The following GGT1 variants were observed in gnomAD, a reference collection of about 807,000 sequenced individuals.
The protein encoded by GGT1 is glutathione hydrolase 1 proenzyme.
A neutral mutation model predicts 56.0 loss-of-function variants in GGT1; 21 were observed. That is an observed-to-expected ratio of 0.38 (90% CI 0.27 to 0.54). GGT1 has a LOEUF of 0.54. Among genes scored for constraint, GGT1 ranks in the 20% least tolerant of loss-of-function variants. The probability of loss-of-function intolerance (pLI) is 0.82; values close to 1 mark genes in which losing one functional copy is unlikely to be tolerated. For synonymous variants in GGT1, 238 were observed against 342.6 expected, an observed-to-expected ratio of 0.69 and a Z score of 3.37; for missense variants, 466 against 787.0, an observed-to-expected ratio of 0.59 and a Z score of 4.88.
upstream of GGT1, among the ~76,000 whole-genome samples, chr22:24,598,928 TA>T (rs1156866405): frequency 6.6e-6 from 1 of 151,842 alleles, no homozygotes; most frequent in Non-Finnish European, 1.5e-5. Flanking sequence ...GGGCCTTTTT[TA>T]AAAAAATTAA....
chr22:24,586,690 C>T, the GGT1 span, among the ~76,000 whole-genome samples: 1 of 152,364 alleles, frequency 6.6e-6, no homozygotes, highest in East Asian at 1.9e-4. Context: ...TGCCACCACG[C>T]CTGGCTAATT....
rs537937786 is a variant in GGT1, at chr22:24,614,726, G to T, written c.165-50G>T. 3 of 1,594,630 alleles carry T rather than the reference G, an allele frequency of 1.9e-6. No individual in the cohort carries two copies. The African/African-American group carries it at 4.0e-5, about 21-fold the overall frequency. Reference sequence around the variant, plus strand: ...GTGGGCAGCAGGGTGTGTATGCGGGGCCAGGGTGGAAGCCTGCAGGTTCTC... The same window carrying T: ...GTGGGCAGCAGGGTGTGTATGCGGGTCCAGGGTGGAAGCCTGCAGGTTCTC... On this transcript the variant is annotated intron_variant, in intron 5 of 15. Transcript: ENST00000400382.
the GGT1 span, chr22:24,583,894 G>A: frequency 7.2e-6 from 3 of 415,496 alleles, no homozygotes; most frequent in African/African-American, 6.1e-5. Flanking sequence ...GCAAGGGACT[G>A]GAGAGCTTGG....
rs534055616 is a variant in GGT1, at chr22:24,595,294, C to A, written c.-324+408C>A. Among the ~76,000 whole-genome samples the A allele has an allele frequency of 3.3e-5, 5 of 152,266 alleles. No homozygotes were observed. In the South Asian group the frequency reaches 1.0e-3, roughly 32 times the overall value. On this transcript the variant is annotated intron_variant, in intron 1 of 6. Transcript: ENST00000411974. Reference sequence around the variant, plus strand: ...TTGTGGGGTGCCTAGGGCGAGTGGGCTTTTGGAGACAATTTCTGGCCTAAC... The same window carrying A: ...TTGTGGGGTGCCTAGGGCGAGTGGGATTTTGGAGACAATTTCTGGCCTAAC...
At position 24,614,803 on chromosome 22, in the gene GGT1, G is replaced by A. The variant is rs4049883; in HGVS notation, c.192G>A (p.Ala64=). Residue 64 remains alanine (A), a synonymous_variant, in exon 6 of 16, where the codon GCG becomes GCA. Transcript: ENST00000400382. ...ATGCACTGCGGGACGGTGGCTCTGC[G>A]GTGGATGCAGCCATTGCAGCCCTGT... The part of the protein sequence containing the change: ...GRDALRDGGS[A]VDAAIAALLC... 93 of 1,613,492 alleles carry A rather than the reference G, an allele frequency of 5.8e-5. No individual in the cohort carries two copies. Among genetic ancestry groups the A allele is most frequent in the African/African-American group, 2.4e-4 (18 of 75,012 alleles).
At chr22:24,600,697 T>C (rs1381950869), upstream of GGT1, among the ~76,000 whole-genome samples, 2 of 152,206 alleles carry the variant, frequency 1.3e-5, no homozygotes, top group African/African-American at 4.8e-5. Context: ...AGCACTTCCA[T>C]TGAGCTGAAG....
chr22:24,621,975 G>A (rs201108805), intron 9 of GGT1, among the ~76,000 whole-genome samples: 2 of 151,568 alleles, frequency 1.3e-5, no homozygotes, highest in African/African-American at 4.9e-5. Context: ...GCTAGAACCT[G>A]GGGGGCTGAG....
In GGT1 at chr22:24,620,365, C is replaced by T. The variant is rs1199828146; in HGVS notation, c.420C>T (p.Gly140=). 2 of 1,611,714 alleles carry T rather than the reference C, an allele frequency of 1.2e-6. No individual in the cohort carries two copies. The highest frequency in any genetic ancestry group is 1.7e-6 in the Non-Finnish European group (2 of 1,179,756). The change falls in exon 8 of 16, where the codon GGC becomes GGT. Residue 140 remains glycine, a synonymous_variant. Transcript: ENST00000400382. The surrounding 1 kb of genome is among the most constrained non-coding windows in gnomAD (Gnocchi z 5.6). ...LSVAVPGEIR[G]YELAHQRHGR... Reference sequence around the variant, plus strand: ...TGGCGGTGCCTGGGGAGATCCGAGGCTATGAGCTGGCACACCAGCGGCATG... The same window carrying T: ...TGGCGGTGCCTGGGGAGATCCGAGGTTATGAGCTGGCACACCAGCGGCATG...
intron 5 of GGT1, among the ~76,000 whole-genome samples, chr22:24,612,802 C>T (rs1042347102): frequency 6.6e-6 from 1 of 152,218 alleles, no homozygotes; most frequent in African/African-American, 2.4e-5. Flanking sequence ...GCTGGGATTA[C>T]AGGCATGAGC....
In GGT1 at chr22:24,628,138, T is replaced by A. The variant is rs769064033; in HGVS notation, c.1394T>A (p.Val465Asp). 8 of 1,611,906 alleles carry A rather than the reference T, an allele frequency of 5.0e-6. No individual in the cohort carries two copies. The highest frequency in any genetic ancestry group is 6.8e-6 in the Non-Finnish European group (8 of 1,179,840). Residue 465 changes from valine (V) to aspartate (D), a missense_variant, in exon 14 of 16, where the codon GTC becomes GAC. Transcript: ENST00000400382. This position sits in a 1 kb window ranked among gnomAD's most constrained non-coding sequence, Gnocchi z 5.7. Reference sequence around the variant, plus strand: ...ATCATGGTGGGCCAGGACGGCCAGGTCCGGATGGTGGTGGGAGCTGCTGGG... The same window carrying A: ...ATCATGGTGGGCCAGGACGGCCAGGACCGGATGGTGGTGGGAGCTGCTGGG... ...PTIMVGQDGQ[V>D]RMVVGAAGGT...
At chr22:24,611,030 T>C (rs2046623438) in intron 4 of GGT1, 45 bp from the exon 5 acceptor site, 1 of 1,559,932 alleles carries the variant, frequency 6.4e-7, no homozygotes. Flanking sequence ...GGCCAGGGAA[T>C]GTCTGAGGCT....
intron 11 of GGT1, among the ~76,000 whole-genome samples, chr22:24,624,943 C>T (rs2047656638): frequency 6.6e-6 from 1 of 152,018 alleles, no homozygotes; most frequent in Non-Finnish European, 1.5e-5. Flanking sequence ...AGCAGCATCT[C>T]ACACAGCTCA....
At chr22:24,589,722 C>G in the GGT1 span, 1 of 1,363,836 alleles carries the variant, frequency 7.3e-7, no homozygotes, top group South Asian at 1.5e-5. Context: ...ACACAGCAAG[C>G]CGCAGAAGGA....
chr22:24,612,823 G>A (rs933471805), intron 5 of GGT1, among the ~76,000 whole-genome samples: 3 of 151,702 alleles, frequency 2.0e-5, no homozygotes, highest in Non-Finnish European at 4.4e-5. Flanking sequence ...CACCATGCCC[G>A]GCCGGGCTTA....
At chr22:24,585,991 G>T in the GGT1 span, 1 of 1,610,730 alleles carries the variant, frequency 6.2e-7, no homozygotes, top group Admixed American at 1.7e-5. Flanking sequence ...CAGGCTCAAG[G>T]TCCAGGCCCT....
upstream of GGT1, chr22:24,592,777 A>G: frequency 7.8e-7 from 1 of 1,275,722 alleles, no homozygotes. Flanking sequence ...ACAGGCCCAC[A>G]ACCCATAGCC....
Position 24,611,129 on chromosome 22 carries a change from G to C in GGT1, c.48G>C (p.Val16=). The stretch of plus-strand genomic sequence containing the variant: ...TGGGCCTGCTGGCCGTGGTCCTGGT[G>C]CTGGTCATTGTCGGCCTCTGTCTCT... ...VVLGLLAVVL[V]LVIVGLCLWL... The change falls in exon 5 of 16, where the codon GTG becomes GTC. Residue 16 remains valine, a synonymous_variant. Coordinates refer to ENST00000400382, the MANE Select transcript of GGT1 (RefSeq NM_001288833.2). 1 of 1,601,954 alleles carries C rather than the reference G, an allele frequency of 6.2e-7. No individual in the cohort carries two copies. The highest frequency in any genetic ancestry group is 8.5e-7 in the Non-Finnish European group (1 of 1,174,172).
At chr22:24,598,059 T>A (rs2045723884) in intron 1 of GGT1, 1 of 152,238 alleles carries the variant, frequency 6.6e-6, no homozygotes, top group Non-Finnish European at 1.5e-5. Flanking sequence ...TGTTTATCGG[T>A]TTATTTCAAA....
At chr22:24,624,841 C>G (rs1351707897) in intron 11 of GGT1, 1 of 152,968 alleles carries the variant, frequency 6.5e-6, no homozygotes, top group East Asian at 1.9e-4. Flanking sequence ...TGGGCTATGT[C>G]CTCTCTCCCT....
Sources: gnomAD v4.1 joint callset for allele counts (sites outside exome capture counted in the v4.1 genomes callset) on GRCh38, gnomAD v4.1.1 for gene constraint, Gnocchi (gnomAD v3.1) non-coding constraint, MANE v1.5 for transcripts, NCBI Gene and HGNC (gene_info 2026-07-23, HGNC 2026-07-21) for gene names.